Variants in KDM3B observed in about 807,000 individuals in gnomAD.
KDM3B encodes the protein lysine-specific demethylase 3B.
A neutral mutation model predicts 170.0 loss-of-function variants in KDM3B; 10 were observed. That is an observed-to-expected ratio of 0.06 (90% CI 0.04 to 0.10). The LOEUF (loss-of-function observed/expected upper bound fraction) is 0.10, where lower values mean the gene tolerates loss of function less well. Ranked by LOEUF, KDM3B falls within the 10% of genes least tolerant of loss-of-function variation. The pLI is 1.00. For synonymous variants in KDM3B, 831 were observed against 834.8 expected (o/e 1.00, Z 0.08); for missense variants, 1,394 against 2,195.2 (o/e 0.64, Z 7.29).
chr5:138,385,107 CCCCT>C (rs1762225555), intron 6 of KDM3B, among the ~76,000 whole-genome samples: 1 of 151,902 alleles, frequency 6.6e-6, no homozygotes, highest in African/African-American at 2.4e-5. Context: ...CTGCAACCTT[CCCCT>C]CCCGGGTTCA....
intron 14 of KDM3B, 152 bp downstream of exon 14, chr5:138,419,384 G>T (rs1303929697): frequency 1.5e-5 from 15 of 987,216 alleles, no homozygotes; most frequent in Non-Finnish European, 2.2e-5. Context: ...GGCCTGGCGT[G>T]GTGGCTCACG....
chr5:138,382,423 G>T (rs985416219), intron 6 of KDM3B, among the ~76,000 whole-genome samples: 2 of 152,118 alleles, frequency 1.3e-5, no homozygotes, highest in African/African-American at 4.8e-5. Flanking sequence ...TTGCACTCCA[G>T]CCTGGGTGAT....
intron 6 of KDM3B, among the ~76,000 whole-genome samples, chr5:138,382,597 G>A (rs1419061546): frequency 2.0e-5 from 3 of 152,122 alleles, no homozygotes; most frequent in African/African-American, 4.8e-5. Context: ...CTCCTGCTAA[G>A]TATATAGTCT....
At position 138,386,080 on chromosome 5, in the gene KDM3B, A is replaced by G; in HGVS notation, c.839A>G (p.Glu280Gly). The change falls in exon 7 of 24, where the codon GAG (glutamate) becomes GGG (glycine). Residue 280 changes from glutamate to glycine, a missense_variant. Transcript: ENST00000314358. ...GGAAAGAAGAAGAGAGAAAGCATAG[A>G]GGGGAAAGATGGCCGGAGGAGGAAA... ...SKGKKKRESI[E>G]GKDGRRRKSA... is the part of the protein sequence containing the mutation. The G allele has an allele frequency of 6.2e-7, 1 of 1,614,132 alleles. No homozygotes were observed. The highest frequency in any genetic ancestry group is 8.5e-7 in the Non-Finnish European group (1 of 1,180,022).
chr5:138,429,712 T>G, intron 20 of KDM3B, 114 bp from the exon 21 acceptor site: 3 of 1,168,404 alleles, frequency 2.6e-6, no homozygotes, highest in Non-Finnish European at 3.6e-6. Flanking sequence ...CTGCCTTACA[T>G]TATTCCAGAG....
At chr5:138,381,327 AT>A (rs1231595802) in intron 5 of KDM3B, among the ~76,000 whole-genome samples, 188 bp from the exon 6 acceptor site, 1 of 152,256 alleles carries the variant, frequency 6.6e-6, no homozygotes, top group African/African-American at 2.4e-5. Flanking sequence ...TCACTTAAAT[AT>A]TTGAATGCTT....
At chr5:138,394,236 T>G (rs1439676635) in intron 9 of KDM3B, among the ~76,000 whole-genome samples, 1 of 152,078 alleles carries the variant, frequency 6.6e-6, no homozygotes. Context: ...TAGCCGAGTG[T>G]GGTGGCACAC....
At position 138,386,484 on chromosome 5, in the gene KDM3B, C is replaced by A; in HGVS notation, c.1243C>A (p.Gln415Lys). 6.2e-7 allele frequency: 1 copy of A among 1,614,134 alleles called. No individual in the cohort carries two copies. The highest frequency in any genetic ancestry group is 8.5e-7 in the Non-Finnish European group (1 of 1,180,026). Reference protein sequence around the residue: ...EAGKTLEQVGQGIVASAAVVT... With the variant: ...EAGKTLEQVGKGIVASAAVVT... ...AGGAAAAACACTGGAACAAGTTGGC[C>A]AGGGCATAGTGGCTTCCGCAGCTGT... Residue 415 changes from glutamine to lysine, a missense_variant, in exon 7 of 24, where the codon CAG becomes AAG. Gln to Lys is a moderately conservative substitution (Grantham distance 53). Transcript: ENST00000314358.
At chr5:138,399,513 G>A (rs2126961482) in intron 10 of KDM3B, among the ~76,000 whole-genome samples, 1 of 151,886 alleles carries the variant, frequency 6.6e-6, no homozygotes, top group South Asian at 2.1e-4. Flanking sequence ...ACTCCAGCCT[G>A]GATGACAAAG....
At chr5:138,377,159 A>T (rs1762020358) in intron 3 of KDM3B, among the ~76,000 whole-genome samples, 1 of 152,154 alleles carries the variant, frequency 6.6e-6, no homozygotes, top group African/African-American at 2.4e-5. Flanking sequence ...TGCTTTATTC[A>T]TATTTATAAT....
chr5:138,407,035 G>A (rs1762841663), intron 11 of KDM3B, among the ~76,000 whole-genome samples: 2 of 147,764 alleles, frequency 1.4e-5, no homozygotes, highest in African/African-American at 2.5e-5. Context: ...GCCCGGGCTG[G>A]AGTGCAGTGG....
intron 7 of KDM3B, among the ~76,000 whole-genome samples, chr5:138,387,915 A>G (rs1762319296): frequency 6.6e-6 from 1 of 151,994 alleles, no homozygotes; most frequent in African/African-American, 2.4e-5. Context: ...CCCCATCTCT[A>G]CTAAAAATAC....
intron 11 of KDM3B, among the ~76,000 whole-genome samples, chr5:138,410,223 G>A (rs575365029): frequency 6.6e-6 from 1 of 152,142 alleles, no homozygotes; most frequent in Non-Finnish European, 1.5e-5. Flanking sequence ...TTGACAAGGC[G>A]GTTCTGAAAT....
chr5:138,353,463 C>T (rs899668096), intron 1 of KDM3B, among the ~76,000 whole-genome samples: 2 of 152,312 alleles, frequency 1.3e-5, no homozygotes, highest in African/African-American at 4.8e-5. Context: ...ATGGGAGGCA[C>T]GGAGGCTGCA....
intron 9 of KDM3B, among the ~76,000 whole-genome samples, chr5:138,395,635 G>T (rs184504823): frequency 9.3e-5 from 14 of 150,100 alleles, no homozygotes; most frequent in Non-Finnish European, 1.5e-5. Context: ...TTTTTTTTTT[G>T]AGACGGAGTC....
intron 12 of KDM3B, 95 bp from the exon 13 acceptor site, chr5:138,417,388 G>A: frequency 8.2e-7 from 1 of 1,219,108 alleles, no homozygotes; most frequent in Non-Finnish European, 1.2e-6. Flanking sequence ...AATGTGGTAA[G>A]GATTGAGGGA....
intron 1 of KDM3B, among the ~76,000 whole-genome samples, chr5:138,370,270 A>G (rs1025571615): frequency 1.3e-5 from 2 of 152,240 alleles, no homozygotes; most frequent in South Asian, 2.1e-4. Context: ...TCTCATTGCT[A>G]ATTTCTTTGT....
chr5:138,412,986 C>T (rs747188477), intron 11 of KDM3B, among the ~76,000 whole-genome samples: 13 of 152,038 alleles, frequency 8.6e-5, no homozygotes, highest in Non-Finnish European at 1.6e-4. Flanking sequence ...AAAATATAGT[C>T]GATGGCAGGT....
intron 9 of KDM3B, among the ~76,000 whole-genome samples, chr5:138,393,857 G>A (rs559368249): frequency 2.6e-5 from 4 of 152,024 alleles, no homozygotes; most frequent in African/African-American, 9.7e-5. Flanking sequence ...TATCTCTTTA[G>A]TTACTTTTCT....
Sources: gnomAD v4.1 joint callset for allele counts (sites outside exome capture counted in the v4.1 genomes callset) on GRCh38, gnomAD v4.1.1 for gene constraint, MANE v1.5 for transcripts, NCBI Gene and HGNC (gene_info 2026-07-23, HGNC 2026-07-21) for gene names.